RNF25: variants seen among roughly 807,000 people sequenced by gnomAD.
The protein encoded by RNF25 is ring finger protein 25.
Under a neutral mutation model 65.0 loss-of-function variants are expected in RNF25, and 32 were observed. The ratio of observed to expected loss-of-function variants is 0.49; its 90% CI spans 0.37 to 0.66. The LOEUF (loss-of-function observed/expected upper bound fraction) is 0.66, where lower values mean the gene tolerates loss of function less well. RNF25 is among the 30% of genes least tolerant of loss of function. RNF25 has a pLI of 0.00. For missense variants in RNF25, 493 were observed against 584.8 expected, an observed-to-expected ratio of 0.84 and a Z score of 1.62; for synonymous variants, 207 against 221.2, an observed-to-expected ratio of 0.94 and a Z score of 0.57.
Position 218,666,244 on chromosome 2 carries a change from A to G in RNF25, c.358-14T>C. 7 of 1,607,350 alleles carry G rather than the reference A, an allele frequency of 4.4e-6. No individual in the cohort carries two copies. Among genetic ancestry groups the G allele is most frequent in the Non-Finnish European group, 6.0e-6 (7 of 1,174,454 alleles). ...TTCCTTCCCTTTCTGAGGAGAGAAGACACTGATTAAACGGGGGTAGGGGGA... is the reference window on the plus strand; with the variant it reads ...TTCCTTCCCTTTCTGAGGAGAGAAGGCACTGATTAAACGGGGGTAGGGGGA... On this transcript the variant is annotated splice_polypyrimidine_tract_variant and intron_variant, in intron 5 of 9. Coordinates refer to ENST00000295704, the MANE Select transcript of RNF25 (RefSeq NM_022453.3).
chr2:218,671,445 G>T (rs1559324839), intron 1 of RNF25, among the ~76,000 whole-genome samples: 1 of 152,148 alleles, frequency 6.6e-6, no homozygotes, highest in African/African-American at 2.4e-5. Context: ...GACTTTATAT[G>T]AAGTGTAAAG....
In RNF25 at chr2:218,665,943, C is replaced by T. The variant is rs781173596; in HGVS notation, c.546G>A (p.Gln182=). The part of the protein sequence containing the change: ...ELKAQGQEQE[Q]ERQHATTKQK... ...GTTTGGTTGTAGCATGCTGCCGTTC[C>T]TGTTCCTGCTCCTGTCCTTGTGCCT... is the stretch of plus-strand genomic sequence containing the variant. Residue 182 remains glutamine (Q), a synonymous_variant, in exon 7 of 10, where the codon CAG becomes CAA. Coordinates refer to ENST00000295704, the MANE Select transcript of RNF25 (RefSeq NM_022453.3). 1 of 1,613,978 alleles carries T rather than the reference C, an allele frequency of 6.2e-7. No homozygotes were observed. The highest frequency in any genetic ancestry group is 8.5e-7 in the Non-Finnish European group (1 of 1,179,980).
chr2:218,666,055 T>C lies in RNF25; in HGVS notation c.434A>G (p.Lys145Arg). ...ACAGGGTGTTTTGGTAAAGGCCTCC[T>C]TCTCCTAGAGGGAAGGCAGATGTAG... ...CVICLYGFQE[K>R]EAFTKTPCYH... The change falls in exon 7 of 10, where the codon AAG (lysine) becomes AGG (arginine). Residue 145 changes from lysine to arginine, a missense_variant. Physicochemically the swap from Lys to Arg is conservative, Grantham distance 26 (BLOSUM62 2). Around this residue, in one of 3 missense-constraint regions of RNF25, gnomAD observed 108 missense variants for 166.0 expected, o/e 0.65. Coordinates refer to ENST00000295704, the MANE Select transcript of RNF25 (RefSeq NM_022453.3). The C allele has an allele frequency of 6.2e-7, 1 of 1,613,686 alleles. No individual in the cohort carries two copies. Among genetic ancestry groups the C allele is most frequent in the Non-Finnish European group, 8.5e-7 (1 of 1,179,702 alleles).
chr2:218,664,067 T>C lies in RNF25; in HGVS notation c.1270A>G (p.Lys424Glu), dbSNP rs1385888180. 1 of 1,509,128 alleles carries C rather than the reference T, an allele frequency of 6.6e-7. No homozygotes were observed. Among genetic ancestry groups the C allele is most frequent in the African/African-American group, 1.4e-5 (1 of 71,572 alleles). The allele number at this position is 1,509,128 out of a possible 1,614,324, so 93.5% of individuals were successfully genotyped here. The change falls in exon 10 of 10, where the codon AAA (lysine) becomes GAA (glutamate). Residue 424 changes from lysine (K) to glutamate (E), a missense_variant. Lys to Glu is a moderately conservative substitution (Grantham distance 56, BLOSUM62 1). This residue lies in a region of RNF25 where 351 missense variants were observed against 400.2 expected (regional missense o/e 0.88). Coordinates refer to ENST00000295704, the MANE Select transcript of RNF25 (RefSeq NM_022453.3). This position sits in a 1 kb window ranked among gnomAD's most constrained non-coding sequence, Gnocchi z 5.1. ...TAGGAAGAACCGGGTGTCCGGCCTTTAGAGCGCTCCCAGCGAACACAGTCC... is the reference window on the plus strand; with the variant it reads ...TAGGAAGAACCGGGTGTCCGGCCTTCAGAGCGCTCCCAGCGAACACAGTCC... ...TRDCVRWERS[K>E]GRTPGSSYPR... is the part of the protein sequence containing the mutation.
Position 218,664,231 on chromosome 2 carries a change from G to A in RNF25, c.1106C>T (p.Thr369Ile). ...CCCCTCAGGAGGTGGCAGTTCCTGG[G>A]TGTCACGGGTACCTTTAGGGGCGTG... Reference protein sequence around the residue: ...ECHAPKGTRDTQELPPPEGPL... With the variant: ...ECHAPKGTRDIQELPPPEGPL... Residue 369 changes from threonine to isoleucine, a missense_variant, in exon 10 of 10, where the codon ACC becomes ATC. Transcript: ENST00000295704. This position sits in a 1 kb window ranked among gnomAD's most constrained non-coding sequence, Gnocchi z 5.1. 3.8e-6 allele frequency: 6 copies of A among 1,599,346 alleles called. No individual in the cohort carries two copies. Among genetic ancestry groups the A allele is most frequent in the Non-Finnish European group, 5.1e-6 (6 of 1,173,012 alleles).
At position 218,668,089 on chromosome 2, in the gene RNF25, G is replaced by C; in HGVS notation, c.277C>G (p.Gln93Glu). Residue 93 changes from glutamine (Q) to glutamate (E), a missense_variant, in exon 4 of 10, where the codon CAG becomes GAG. Physicochemically the swap from Gln to Glu is conservative, Grantham distance 29. Transcript: ENST00000295704. ...ACAGGTTCAACTTACGTGTGGATCT[G>C]TTCATCTGAAAGTCCTCGGGGATTT... is the stretch of plus-strand genomic sequence containing the variant. Reference protein sequence around the residue: ...IRNPRGLSDEQIHTILQVLGH... With the variant: ...IRNPRGLSDEEIHTILQVLGH... 1.9e-6 allele frequency: 3 copies of C among 1,613,606 alleles called. No individual in the cohort carries two copies. The highest frequency in any genetic ancestry group is 1.7e-6 in the Non-Finnish European group (2 of 1,179,826).
At position 218,664,289 on chromosome 2, in the gene RNF25, G is replaced by A; in HGVS notation, c.1048C>T (p.Pro350Ser). Residue 350 changes from proline (P) to serine (S), a missense_variant, in exon 10 of 10, where the codon CCC becomes TCC. Physicochemically the swap from Pro to Ser is moderately conservative, Grantham distance 74. Transcript: ENST00000295704. This position sits in a 1 kb window ranked among gnomAD's most constrained non-coding sequence, Gnocchi z 5.1. ...PKPSRGPWRQPERRHPKGGEC... is the reference protein window; with the variant it reads ...PKPSRGPWRQSERRHPKGGEC... Reference sequence around the variant, plus strand: ...CCTCCCTTTGGGTGCCTCCGTTCGGGCTGTCGCCAGGGACCTCGACTGGGC... The same window carrying A: ...CCTCCCTTTGGGTGCCTCCGTTCGGACTGTCGCCAGGGACCTCGACTGGGC... The A allele has an allele frequency of 3.7e-6, 6 of 1,610,416 alleles. No homozygotes were observed. Among genetic ancestry groups the A allele is most frequent in the Non-Finnish European group, 5.1e-6 (6 of 1,177,164 alleles).
intron 1 of RNF25, among the ~76,000 whole-genome samples, chr2:218,670,417 C>T (rs558744974): frequency 2.5e-4 from 36 of 143,502 alleles, no homozygotes; most frequent in Non-Finnish European, 4.4e-4. Flanking sequence ...GGAGGGGGGC[C>T]GGGCGCGGTG....
intron 1 of RNF25, among the ~76,000 whole-genome samples, chr2:218,671,492 A>C (rs765534929): frequency 1.3e-5 from 2 of 152,106 alleles, no homozygotes; most frequent in African/African-American, 2.4e-5. Flanking sequence ...GTGCTGTGTG[A>C]GAGAGAGAAG....
chr2:218,665,859 T>C lies in RNF25; in HGVS notation c.573+57A>G, dbSNP rs1939810897. 4.5e-6 allele frequency: 7 copies of C among 1,559,710 alleles called. No homozygotes were observed. In the South Asian group the frequency reaches 7.3e-5, roughly 16 times the overall value. The stretch of plus-strand genomic sequence containing the variant: ...CACTGGAGTGGAGAGATGGAAAAGT[T>C]TGTGAAAGGCTGTGCCTAAGGGTGT... On this transcript the variant is annotated intron_variant, in intron 7 of 9. Coordinates refer to ENST00000295704, the MANE Select transcript of RNF25 (RefSeq NM_022453.3).
intron 2 of RNF25, 78 bp from the exon 3 acceptor site, chr2:218,668,419 G>T: frequency 9.1e-7 from 1 of 1,100,026 alleles, no homozygotes. Context: ...CTGAGACAGT[G>T]AAGTGGGCAA....
Position 218,671,936 on chromosome 2 carries a change from T to TC in RNF25, c.34dup (p.Glu12GlyfsTer8), listed in dbSNP as rs757873069. 2 of 1,614,008 alleles carry TC rather than the reference T, an allele frequency of 1.2e-6. No homozygotes were observed. Among genetic ancestry groups the TC allele is most frequent in the Non-Finnish European group, 1.7e-6 (2 of 1,180,002 alleles). The stretch of plus-strand genomic sequence containing the variant: ...CCCATGCCCCCAAAGTTACCAGTCC[T>TC]CCTCCCCTGCAGCTGCAGACGCAGA... On this transcript the variant is annotated frameshift_variant, in exon 1 of 10. Transcript: ENST00000295704. LOFTEE classifies it high-confidence loss of function.
In RNF25 at chr2:218,664,594, C is replaced by T. The variant is rs1939778843; in HGVS notation, c.802-59G>A. 3 of 1,579,830 alleles carry T rather than the reference C, an allele frequency of 1.9e-6. No homozygotes were observed. The highest frequency in any genetic ancestry group is 1.7e-6 in the Non-Finnish European group (2 of 1,157,880). On this transcript the variant is annotated intron_variant, in intron 9 of 9. Transcript: ENST00000295704. This position sits in a 1 kb window ranked among gnomAD's most constrained non-coding sequence, Gnocchi z 5.1. The stretch of plus-strand genomic sequence containing the variant: ...TGCAGTTCCTCAAGGTGGGGAACTA[C>T]AGGCCCCTCTCCTACTATCTGGGCT...
At chr2:218,665,816 C>G (rs1939809952) in intron 7 of RNF25, 100 bp downstream of exon 7, 6 of 1,460,144 alleles carry the variant, frequency 4.1e-6, no homozygotes, top group Non-Finnish European at 5.6e-6. Flanking sequence ...TATCTATGAC[C>G]CTGAAAAAGT....
intron 5 of RNF25, among the ~76,000 whole-genome samples, chr2:218,667,527 T>G (rs1939847102): frequency 6.6e-6 from 1 of 152,056 alleles, no homozygotes; most frequent in Non-Finnish European, 1.5e-5. Flanking sequence ...ACCATGACTT[T>G]TTCTAGTCAG....
chr2:218,665,104 C>G, intron 8 of RNF25, 51 bp downstream of exon 8: 1 of 1,577,334 alleles, frequency 6.3e-7, no homozygotes, highest in Non-Finnish European at 8.7e-7. Flanking sequence ...ATTCCTTACT[C>G]TTTAGAAAAT....
At chr2:218,670,092 G>A (rs1939912596) in intron 1 of RNF25, among the ~76,000 whole-genome samples, 1 of 151,654 alleles carries the variant, frequency 6.6e-6, no homozygotes, top group Non-Finnish European at 1.5e-5. Flanking sequence ...CCAGCTACTT[G>A]GGAGACTGAG....
Position 218,668,241 on chromosome 2 carries a change from C to G in RNF25, c.217G>C (p.Glu73Gln), listed in dbSNP as rs747565310. The change falls in exon 3 of 10, where the codon GAG becomes CAG. Residue 73 changes from glutamate (E) to glutamine (Q), a missense_variant and splice_region_variant. Glu to Gln is a conservative substitution (Grantham distance 29). Coordinates refer to ENST00000295704, the MANE Select transcript of RNF25 (RefSeq NM_022453.3). ...CTGCCACACAGTAGGGGCTTCACCTCTGCTGGGACCTGAAGCACCAGAGTG... is the reference window on the plus strand; with the variant it reads ...CTGCCACACAGTAGGGGCTTCACCTGTGCTGGGACCTGAAGCACCAGAGTG... ...CFTLVLQVPA[E>Q]YPHEVPQISI... 6.2e-7 allele frequency: 1 copy of G among 1,614,084 alleles called. No homozygotes were observed. Among genetic ancestry groups the G allele is most frequent in the Admixed American group, 1.7e-5 (1 of 60,024 alleles).
At chr2:218,665,019 G>C in intron 8 of RNF25, 136 bp downstream of exon 8, 1 of 1,443,114 alleles carries the variant, frequency 6.9e-7, no homozygotes, top group Non-Finnish European at 9.5e-7. Context: ...GCCAGTGGGG[G>C]ATGTGGCTTT....
Sources: gnomAD v4.1 joint callset for allele counts (sites outside exome capture counted in the v4.1 genomes callset) on GRCh38, gnomAD v4.1.1 for gene constraint, gnomAD v4.1.1 regional missense constraint, Gnocchi (gnomAD v3.1) non-coding constraint, MANE v1.5 for transcripts, NCBI Gene and HGNC (gene_info 2026-07-23, HGNC 2026-07-21) for gene names.